Variants in PLPP1 observed in about 807,000 individuals in gnomAD.
PLPP1 encodes the protein lipid phosphate phosphohydrolase 1a.
In PLPP1, 24 loss-of-function variants were observed where a neutral mutation model predicts 31.2. The observed-to-expected ratio is 0.77, with a 90% confidence interval of 0.56 to 1.08. PLPP1 has a LOEUF of 1.08. PLPP1 is among the 50% of genes least tolerant of loss of function. The pLI is 0.00. For synonymous variants in PLPP1, 146 were observed against 126.3 expected (o/e 1.16, Z -1.05); for missense variants, 319 against 342.7 (o/e 0.93, Z 0.55).
At chr5:55,524,674 G>A (rs994940514) in intron 1 of PLPP1, among the ~76,000 whole-genome samples, 2 of 152,056 alleles carry the variant, frequency 1.3e-5, no homozygotes, top group Non-Finnish European at 2.9e-5. Flanking sequence ...GCCCGACGTG[G>A]TGGTGGGCAC....
intron 4 of PLPP1, among the ~76,000 whole-genome samples, chr5:55,431,073 T>TAA (rs1192315478): frequency 3.9e-5 from 6 of 152,130 alleles, no homozygotes; most frequent in Non-Finnish European, 8.8e-5. Flanking sequence ...TGTGACACCA[T>TAA]AAAGTCATCA....
chr5:55,430,212 T>C (rs1277878589), intron 4 of PLPP1, among the ~76,000 whole-genome samples: 1 of 152,142 alleles, frequency 6.6e-6, no homozygotes, highest in African/African-American at 2.4e-5. Flanking sequence ...CTGCTGTCTA[T>C]GGGCAGCAAG....
intron 1 of PLPP1, among the ~76,000 whole-genome samples, chr5:55,482,408 T>A (rs540612520): frequency 1.3e-5 from 2 of 152,146 alleles, no homozygotes; most frequent in South Asian, 4.1e-4. Flanking sequence ...CTTATTCTAT[T>A]TAACATTTTG....
At chr5:55,443,978 C>G (rs1435602558) in intron 3 of PLPP1, among the ~76,000 whole-genome samples, 1 of 152,048 alleles carries the variant, frequency 6.6e-6, no homozygotes, top group East Asian at 1.9e-4. Context: ...TTATCGGAGT[C>G]TTTAGTAGAT....
At chr5:55,476,928 TTTAG>T (rs1351540597) in intron 1 of PLPP1, among the ~76,000 whole-genome samples, 2 of 152,186 alleles carry the variant, frequency 1.3e-5, no homozygotes, top group Non-Finnish European at 2.9e-5. Flanking sequence ...TGAACCAAAG[TTTAG>T]TTCTCTGTAT....
At chr5:55,451,687 G>A (rs567133471) in intron 3 of PLPP1, among the ~76,000 whole-genome samples, 3 of 151,960 alleles carry the variant, frequency 2.0e-5, no homozygotes, top group South Asian at 2.1e-4. Context: ...TCAGCCTCCT[G>A]AGTAGCTGGG....
intron 4 of PLPP1, among the ~76,000 whole-genome samples, chr5:55,430,085 C>T (rs1751311135): frequency 6.6e-6 from 1 of 152,136 alleles, no homozygotes; most frequent in Non-Finnish European, 1.5e-5. Context: ...CTACCACCAC[C>T]CACATGCACC....
rs772413266 is a variant in PLPP1 at position 55,534,641 on chromosome 5, G to T, written c.-12C>A. ...GTCTTGTCAAACATGGTCTCTGCCC[G>T]GGCTGCCCGGCAAGGGCGATGGACT... On this transcript the variant is annotated 5_prime_UTR_variant, in exon 1 of 6. Transcript: ENST00000307259. The T allele has an allele frequency of 6.5e-7, 1 of 1,544,108 alleles. No individual in the cohort carries two copies. The highest frequency in any genetic ancestry group is 1.2e-5 in the South Asian group (1 of 82,916).
At chr5:55,523,347 CTCA>C (rs1753714451) in intron 1 of PLPP1, among the ~76,000 whole-genome samples, 1 of 152,056 alleles carries the variant, frequency 6.6e-6, no homozygotes, top group African/African-American at 2.4e-5. Flanking sequence ...ATTTTTTGTA[CTCA>C]TCAACCATCC....
intron 1 of PLPP1, chr5:55,484,504 CTTT>C (rs913618818): frequency 4.0e-4 from 61 of 152,166 alleles, no homozygotes; most frequent in African/African-American, 1.3e-3. Context: ...ACAACGAAAA[CTTT>C]TTTAAAAAAT....
At chr5:55,523,065 T>A (rs1271072096) in intron 1 of PLPP1, among the ~76,000 whole-genome samples, 1 of 152,118 alleles carries the variant, frequency 6.6e-6, no homozygotes, top group African/African-American at 2.4e-5. Context: ...TTCTTGCCTT[T>A]CTCACCCTCT....
chr5:55,494,411 T>C (rs943855845), intron 1 of PLPP1, among the ~76,000 whole-genome samples: 5 of 152,174 alleles, frequency 3.3e-5, no homozygotes, highest in African/African-American at 4.8e-5. Flanking sequence ...GAAAGTTCCA[T>C]TGATAGAAAT....
At chr5:55,530,833 A>ACGGGGCAGTAGGATGTGGC (rs1740636878) in intron 1 of PLPP1, 4 of 1,262,156 alleles carry the variant, frequency 3.2e-6, no homozygotes, top group South Asian at 2.4e-5. Context: ...CTCCTGACAG[A>ACGGGGCAGTAGGATGTGGC]CGGGGCAGTA....
intron 1 of PLPP1, among the ~76,000 whole-genome samples, chr5:55,532,622 AT>A (rs1740710803): frequency 6.6e-6 from 1 of 152,182 alleles, no homozygotes; most frequent in Non-Finnish European, 1.5e-5. Context: ...AATATATTTA[AT>A]TATTAATAAG....
intron 3 of PLPP1, among the ~76,000 whole-genome samples, chr5:55,444,302 A>G (rs1751701050): frequency 6.6e-6 from 1 of 152,140 alleles, no homozygotes; most frequent in Admixed American, 6.5e-5. Context: ...GCTGGTCTGG[A>G]ACTCCTGACC....
chr5:55,439,341 G>A (rs911508939), intron 4 of PLPP1, among the ~76,000 whole-genome samples: 1 of 152,094 alleles, frequency 6.6e-6, no homozygotes, highest in Non-Finnish European at 1.5e-5. Context: ...CTCCAAGGCC[G>A]AGCTGTAACC....
chr5:55,494,415 T>C (rs543014572), intron 1 of PLPP1, among the ~76,000 whole-genome samples: 4 of 152,282 alleles, frequency 2.6e-5, no homozygotes, highest in South Asian at 4.1e-4. Context: ...GTTCCATTGA[T>C]AGAAATGAGA....
intron 2 of PLPP1, among the ~76,000 whole-genome samples, chr5:55,469,470 C>T (rs71622179): frequency 0.061 from 9,147 of 149,202 alleles, 514 homozygotes; most frequent in African/African-American, 0.13. Context: ...AGCCTGGGTG[C>T]GACACAGCGA....
At chr5:55,467,840 T>A in intron 3 of PLPP1, 29 bp downstream of exon 3, 1 of 1,574,136 alleles carries the variant, frequency 6.4e-7, no homozygotes, top group Non-Finnish European at 8.6e-7. Context: ...TATACAAGAT[T>A]AAACAAGCAT....
Sources: gnomAD v4.1 joint callset for allele counts (sites outside exome capture counted in the v4.1 genomes callset) on GRCh38, gnomAD v4.1.1 for gene constraint, MANE v1.5 for transcripts, NCBI Gene and HGNC (gene_info 2026-07-23, HGNC 2026-07-21) for gene names.